Variants in RPTOR observed in about 807,000 individuals in gnomAD.
RPTOR encodes the protein regulatory associated protein of MTOR complex 1.
A neutral mutation model predicts 169.9 loss-of-function variants in RPTOR; 21 were observed. The ratio of observed to expected loss-of-function variants is 0.12; its 90% CI spans 0.09 to 0.18. The LOEUF (loss-of-function observed/expected upper bound fraction) is 0.18, where lower values mean the gene tolerates loss of function less well. RPTOR is among the 10% of genes least tolerant of loss of function. The probability of loss-of-function intolerance (pLI) is 1.00; values close to 1 mark genes in which losing one functional copy is unlikely to be tolerated. For missense variants in RPTOR, 1,133 were observed against 1,855.9 expected, an observed-to-expected ratio of 0.61 and a Z score of 7.16; for synonymous variants, 732 against 753.2, an observed-to-expected ratio of 0.97 and a Z score of 0.46.
intron 20 of RPTOR, among the ~76,000 whole-genome samples, chr17:80,907,215 C>T (rs1381663244): frequency 3.3e-5 from 5 of 152,248 alleles, no homozygotes; most frequent in Non-Finnish European, 1.5e-5. Flanking sequence ...ACACCTCACT[C>T]GAAACCCTTT....
intron 13 of RPTOR, among the ~76,000 whole-genome samples, chr17:80,859,325 G>A (rs1389724913): frequency 6.6e-6 from 1 of 152,260 alleles, no homozygotes; most frequent in Non-Finnish European, 1.5e-5. Flanking sequence ...AAGGGTCTGG[G>A]AAGGGCTCAT....
In RPTOR at chr17:80,857,842, C is replaced by G; in HGVS notation, c.1451C>G (p.Ala484Gly). Residue 484 changes from alanine to glycine, a missense_variant, in exon 13 of 34, where the codon GCC becomes GGC. By Grantham distance (60) the Ala-to-Gly change is moderately conservative (BLOSUM62 0). Around this residue, in one of 9 missense-constraint regions of RPTOR, gnomAD observed 289 missense variants for 585.8 expected, o/e 0.49. Transcript: ENST00000306801. ...GTGCTGAAGCTGCTCCAGAGCTCGG[C>G]CCGAGAGCTGCGGCCACTTCTCGTT... is the stretch of plus-strand genomic sequence containing the variant. ...PYVLKLLQSS[A>G]RELRPLLVFI... 2 of 1,613,134 alleles carry G rather than the reference C, an allele frequency of 1.2e-6. No homozygotes were observed. Among genetic ancestry groups the G allele is most frequent in the Non-Finnish European group, 1.7e-6 (2 of 1,179,976 alleles).
chr17:80,691,676 AC>A (rs1441123643), intron 3 of RPTOR, among the ~76,000 whole-genome samples: 1 of 151,964 alleles, frequency 6.6e-6, no homozygotes, highest in African/African-American at 2.4e-5. Context: ...TACTTCTTCT[AC>A]CCTAGGCCTG....
At position 80,842,157 on chromosome 17, in the gene RPTOR, C is replaced by A. The variant is rs544322922; in HGVS notation, c.1212+4160C>A. Among the ~76,000 whole-genome samples the A allele has an allele frequency of 4.6e-5, 7 of 152,340 alleles. No individual in the cohort carries two copies. In the East Asian group the frequency reaches 1.3e-3, roughly 29 times the overall value. ...CCACTGGGCATTTTCAGTTTTCAGT[C>A]CTCACTAACAGTGCTGGCTAGAGCC... On this transcript the variant is annotated intron_variant, in intron 10 of 33. Coordinates refer to ENST00000306801, the MANE Select transcript of RPTOR (RefSeq NM_020761.3).
At chr17:80,927,604 GTGTGTC>G (rs1362405411) in intron 24 of RPTOR, among the ~76,000 whole-genome samples, 2 of 33,916 alleles carry the variant, frequency 5.9e-5, no homozygotes, top group Non-Finnish European at 1.2e-4. Flanking sequence ...AAGGCCGTGT[GTGTGTC>G]TGTCTGTCTG....
chr17:80,957,887 AGACGT>A lies in RPTOR; in HGVS notation c.3477+159_3477+163del, dbSNP rs2069273884. ...ACAGTGCCGGGACAATGCTGGGAGG[AGACGT>A]GGGCTCCCTGAGGCCTCTGGATGAA... On this transcript the variant is annotated intron_variant, in intron 29 of 33. Transcript: ENST00000306801. This position sits in a 1 kb window ranked among gnomAD's most constrained non-coding sequence, Gnocchi z 4.6. Among the ~76,000 whole-genome samples, 4 of 152,156 alleles carry A rather than the reference AGACGT, an allele frequency of 2.6e-5. No individual in the cohort carries two copies. In the South Asian group the frequency reaches 8.3e-4, roughly 32 times the overall value.
chr17:80,785,065 A>G (rs1160269698), intron 6 of RPTOR, among the ~76,000 whole-genome samples: 1 of 152,228 alleles, frequency 6.6e-6, no homozygotes, highest in African/African-American at 2.4e-5. Flanking sequence ...AATATTTAAA[A>G]CCAGACACCT....
chr17:80,855,412 G>A (rs2067841276), intron 11 of RPTOR, 52 bp from the exon 12 acceptor site: 1 of 1,370,642 alleles, frequency 7.3e-7, no homozygotes, highest in Non-Finnish European at 1.0e-6. Flanking sequence ...GCGTTTCGGG[G>A]TTGCACACCA....
chr17:80,932,681 A>G (rs1325134845), intron 24 of RPTOR, among the ~76,000 whole-genome samples: 1 of 152,176 alleles, frequency 6.6e-6, no homozygotes. Context: ...AAGCACAAAG[A>G]CTACAAAGAG....
chr17:80,694,474 C>T (rs891601918), intron 3 of RPTOR, among the ~76,000 whole-genome samples: 5 of 152,202 alleles, frequency 3.3e-5, no homozygotes, highest in Admixed American at 1.3e-4. Context: ...TATGTGGGGC[C>T]GTGGTGCTGA....
At chr17:80,880,615 C>A in intron 14 of RPTOR, 126 bp downstream of exon 14, 1 of 794,536 alleles carries the variant, frequency 1.3e-6, no homozygotes, top group South Asian at 1.6e-5. Flanking sequence ...ACAGCAGGGG[C>A]CACGTCCACG....
intron 7 of RPTOR, among the ~76,000 whole-genome samples, chr17:80,815,315 C>T (rs1041236257): frequency 1.3e-5 from 2 of 152,212 alleles, no homozygotes; most frequent in African/African-American, 4.8e-5. Context: ...CTGCAGGCCC[C>T]GTGGAGAGAG....
Position 80,743,977 on chromosome 17 carries a change from GCAC to G in RPTOR, c.655-10032_655-10030del, listed in dbSNP as rs2066526232. The stretch of plus-strand genomic sequence containing the variant: ...GCTACTAGCACAGCCCTGGCTACTA[GCAC>G]TGTCCTGGTTATGAGCACAGCCCTG... On this transcript the variant is annotated intron_variant, in intron 5 of 33. Transcript: ENST00000306801. 6.7e-5 allele frequency among the ~76,000 whole-genome samples: 2 copies of G among 30,034 alleles called. 1 individual carries two copies. The highest frequency in any genetic ancestry group is 1.7e-4 in the Non-Finnish European group (2 of 11,726). 19.7% of individuals were successfully genotyped at this position (30,034 alleles called of 152,430 possible).
chr17:80,923,956 C>T (rs567777646), intron 23 of RPTOR: 2 of 442,944 alleles, frequency 4.5e-6, no homozygotes, highest in Non-Finnish European at 8.0e-6. Flanking sequence ...GTTCTCCGCC[C>T]CTGGTTCTGG....
chr17:80,622,770 G>A (rs917824115), intron 1 of RPTOR, among the ~76,000 whole-genome samples: 1 of 152,088 alleles, frequency 6.6e-6, no homozygotes, highest in Non-Finnish European at 1.5e-5. Context: ...TGGGTGTGGT[G>A]GCACACCCTG....
intron 6 of RPTOR, among the ~76,000 whole-genome samples, chr17:80,774,672 G>C (rs550621636): frequency 9.9e-5 from 15 of 152,170 alleles, no homozygotes; most frequent in Admixed American, 9.8e-4. Context: ...CCAGCTTCCC[G>C]TTGGGGACTT....
intron 10 of RPTOR, among the ~76,000 whole-genome samples, chr17:80,839,851 T>G (rs1279559585): frequency 6.6e-6 from 1 of 152,200 alleles, no homozygotes; most frequent in Non-Finnish European, 1.5e-5. Flanking sequence ...ATACTTAGGT[T>G]TCTGTGCCAG....
intron 7 of RPTOR, chr17:80,801,699 A>T (rs529651545): frequency 3.6e-4 from 55 of 152,368 alleles, no homozygotes; most frequent in African/African-American, 1.3e-3. Flanking sequence ...TAAAGGTGAA[A>T]ATCAGTAATT....
At chr17:80,908,298 G>C (rs752978361) in intron 20 of RPTOR, among the ~76,000 whole-genome samples, 3 of 152,144 alleles carry the variant, frequency 2.0e-5, no homozygotes, top group Non-Finnish European at 4.4e-5. Context: ...TCAACCTTTC[G>C]TGAAGTCCTA....
Sources: gnomAD v4.1 joint callset for allele counts (sites outside exome capture counted in the v4.1 genomes callset) on GRCh38, gnomAD v4.1.1 for gene constraint, gnomAD v4.1.1 regional missense constraint, Gnocchi (gnomAD v3.1) non-coding constraint, MANE v1.5 for transcripts, NCBI Gene and HGNC (gene_info 2026-07-23, HGNC 2026-07-21) for gene names.